DNAI7: variants seen among roughly 807,000 people sequenced by gnomAD.
DNAI7 encodes cancer susceptibility 1.
A neutral mutation model predicts 86.6 loss-of-function variants in DNAI7; 78 were observed. The observed-to-expected ratio is 0.90, with a 90% CI of 0.75 to 1.09. DNAI7 has a LOEUF of 1.09. Ranked by LOEUF, DNAI7 falls within the 50% of genes least tolerant of loss-of-function variation. The pLI is 0.00. For synonymous variants in DNAI7, 274 were observed against 273.0 expected (o/e 1.00, Z -0.04); for missense variants, 753 against 810.2 (o/e 0.93, Z 0.86).
intron 2 of DNAI7, among the ~76,000 whole-genome samples, chr12:25,174,231 G>C (rs1345316295): frequency 8.7e-6 from 1 of 114,658 alleles, no homozygotes; most frequent in Non-Finnish European, 1.8e-5. Flanking sequence ...CACGTTGTGG[G>C]TTGTCTGTTT....
At chr12:25,177,417 A>G (rs937783267) in intron 2 of DNAI7, among the ~76,000 whole-genome samples, 1 of 152,210 alleles carries the variant, frequency 6.6e-6, no homozygotes, top group Non-Finnish European at 1.5e-5. Flanking sequence ...GTGGAAAAAT[A>G]CAATATTTGC....
At chr12:25,119,382 A>T in intron 11 of DNAI7, 81 bp from the exon 12 acceptor site, 1 of 811,278 alleles carries the variant, frequency 1.2e-6, no homozygotes, top group Non-Finnish European at 1.9e-6. Context: ...TAAGTTATAT[A>T]GTTATTTTTA....
intron 2 of DNAI7, among the ~76,000 whole-genome samples, chr12:25,173,486 C>A (rs1948363450): frequency 6.6e-6 from 1 of 152,016 alleles, no homozygotes; most frequent in Non-Finnish European, 1.5e-5. Flanking sequence ...ACAGGAAAAA[C>A]TTCCAGAAGG....
At chr12:25,169,884 C>G (rs1947938889) in intron 2 of DNAI7, among the ~76,000 whole-genome samples, 2 of 151,196 alleles carry the variant, frequency 1.3e-5, no homozygotes, top group Non-Finnish European at 2.9e-5. Context: ...GATACAGAAC[C>G]ACAGATGGAT....
intron 2 of DNAI7, among the ~76,000 whole-genome samples, chr12:25,177,822 T>C (rs971955336): frequency 5.9e-5 from 9 of 152,200 alleles, no homozygotes; most frequent in African/African-American, 2.2e-4. Flanking sequence ...TCAGCACTTT[T>C]GCTCATCTAA....
At chr12:25,145,423 C>A (rs1170593391) in intron 8 of DNAI7, among the ~76,000 whole-genome samples, 1 of 152,076 alleles carries the variant, frequency 6.6e-6, no homozygotes, top group African/African-American at 2.4e-5. Context: ...TAAAAGACAC[C>A]ACCTAATTCT....
intron 9 of DNAI7, among the ~76,000 whole-genome samples, chr12:25,129,839 C>T (rs765063252): frequency 5.3e-5 from 8 of 151,724 alleles, no homozygotes; most frequent in Non-Finnish European, 1.0e-4. Context: ...CTCAGCTCAC[C>T]GCAACCTCTG....
chr12:25,114,917 T>A, intron 12 of DNAI7, 47 bp from the exon 13 acceptor site: 1 of 1,420,456 alleles, frequency 7.0e-7, no homozygotes, highest in Non-Finnish European at 9.7e-7. Context: ...TTTTTCCCTA[T>A]TAAAAAAAGA....
At chr12:25,192,336 G>A (rs193062340) in intron 1 of DNAI7, among the ~76,000 whole-genome samples, 51 of 152,234 alleles carry the variant, frequency 3.4e-4, no homozygotes, top group African/African-American at 1.1e-3. Context: ...CAGGTTTGGG[G>A]TAAGTACATA....
rs554853245 is a variant in DNAI7, at chr12:25,135,342, T to C, written c.1002+9023A>G. Among the ~76,000 whole-genome samples the C allele has an allele frequency of 4.6e-5, 7 of 152,308 alleles. No homozygotes were observed. In the South Asian group the frequency reaches 1.2e-3, roughly 27 times the overall value. ...GCGCTCCTGGTCTCCAGGGAAGCCA[T>C]TTCTGACTTTTATCTCACAGGGGTC... On this transcript the variant is annotated intron_variant, in intron 9 of 15. Coordinates refer to ENST00000395987, the MANE Select transcript of DNAI7 (RefSeq NM_018272.5).
intron 12 of DNAI7, among the ~76,000 whole-genome samples, chr12:25,117,407 T>C (rs1389672162): frequency 6.6e-6 from 1 of 152,208 alleles, no homozygotes; most frequent in Non-Finnish European, 1.5e-5. Flanking sequence ...TTTCCATAAC[T>C]AAATAAGTAG....
rs762585984 is a variant in DNAI7, at chr12:25,108,824, C to CCAAAAAAAAAAA, written c.1894-2_1894-1insTTTTTTTTTTTG. On this transcript the variant is annotated splice_acceptor_variant, in intron 15 of 15. Transcript: ENST00000395987. LOFTEE classifies it high-confidence loss of function. The stretch of plus-strand genomic sequence containing the variant: ...ATGCTTCAGTAAGGTGTTCCCTCAC[C>CCAAAAAAAAAAA]TAAAAAAAAAAAAAATTCAAGCAAG... The CCAAAAAAAAAAA allele has an allele frequency of 8.8e-6, 1 of 113,574 alleles. No homozygotes were observed. The highest frequency in any genetic ancestry group is 1.3e-5 in the Non-Finnish European group (1 of 74,306). The allele number at this position is 113,574 out of a possible 1,614,324, so 7.0% of individuals were successfully genotyped here. A position where few individuals can be genotyped will look rare whatever the true frequency, so the allele number is the denominator to read the frequency against.
chr12:25,155,479 C>T (rs1223517956), intron 4 of DNAI7, 67 bp from the exon 5 acceptor site: 23 of 764,874 alleles, frequency 3.0e-5, no homozygotes, highest in Non-Finnish European at 4.6e-5. Context: ...CAAGTAGCAT[C>T]TAAAACTGAC....
intron 12 of DNAI7, among the ~76,000 whole-genome samples, chr12:25,117,058 G>A (rs1048463387): frequency 2.7e-5 from 4 of 150,548 alleles, no homozygotes; most frequent in African/African-American, 4.9e-5. Context: ...CTCAGCTTCT[G>A]GGGTAGCTGG....
At chr12:25,115,086 A>G (rs961845534) in intron 12 of DNAI7, among the ~76,000 whole-genome samples, 6 of 152,102 alleles carry the variant, frequency 3.9e-5, no homozygotes, top group African/African-American at 1.4e-4. Flanking sequence ...TGAAGCTTTG[A>G]CTCACTTTCT....
intron 3 of DNAI7, 41 bp from the exon 4 acceptor site, chr12:25,158,604 A>C: frequency 6.4e-7 from 1 of 1,574,258 alleles, no homozygotes; most frequent in Non-Finnish European, 8.6e-7. Context: ...TGAATAGATC[A>C]CTGTATTTTT....
chr12:25,123,260 G>A lies in DNAI7; in HGVS notation c.1029C>T (p.Ala343=), dbSNP rs1272043375. ...CTTTCATCTCTCGTTCACATTTTAT[G>A]GCTTCAGATTCTTCCTCAGCAGAAC... is the stretch of plus-strand genomic sequence containing the variant. ...KMSSAEEESE[A]IKCEREMKVL... Residue 343 remains alanine (A), a synonymous_variant, in exon 10 of 16, where the codon GCC becomes GCT. Transcript: ENST00000395987. The A allele has an allele frequency of 1.2e-6, 2 of 1,607,448 alleles. No homozygotes were observed. Among genetic ancestry groups the A allele is most frequent in the South Asian group, 2.2e-5 (2 of 89,850 alleles).
At chr12:25,121,330 T>C (rs538921872) in intron 11 of DNAI7, among the ~76,000 whole-genome samples, 3 of 152,360 alleles carry the variant, frequency 2.0e-5, no homozygotes, top group African/African-American at 7.2e-5. Context: ...GGAACATAGC[T>C]GTGCCCATTC....
At chr12:25,151,560 T>C (rs1056311142) in intron 6 of DNAI7, among the ~76,000 whole-genome samples, 2 of 152,234 alleles carry the variant, frequency 1.3e-5, no homozygotes. Context: ...CCCTTGCAGC[T>C]CATCACTGGT....
Sources: allele counts gnomAD v4.1 joint callset (sites outside exome capture counted in the v4.1 genomes callset), GRCh38; gene constraint gnomAD v4.1.1; transcripts MANE v1.5; gene names NCBI Gene and HGNC (gene_info 2026-07-23, HGNC 2026-07-21).